The following CDKL5 variants were observed in gnomAD, a reference collection of about 807,000 sequenced individuals.
CDKL5 encodes the protein cyclin-dependent kinase-like 5.
CDKL5 carries 8 observed loss-of-function variants against 61.7 expected under a neutral mutation model. The observed-to-expected ratio is 0.13, with a 90% CI of 0.08 to 0.23. The LOEUF (loss-of-function observed/expected upper bound fraction) is 0.23, where lower values mean the gene tolerates loss of function less well. Ranked by LOEUF, CDKL5 falls within the 10% of genes least tolerant of loss-of-function variation. CDKL5 has a pLI of 1.00. For synonymous variants in CDKL5, 275 were observed against 272.3 expected (o/e 1.01, Z -0.10); for missense variants, 440 against 734.5 (o/e 0.60, Z 4.63).
downstream of CDKL5, chrX:18,644,374 G>A (rs753408808): frequency 1.4e-5 from 15 of 1,092,543 alleles, no homozygotes; most frequent in East Asian, 4.2e-4. Flanking sequence ...TCGGGGACAG[G>A]AGGGGAAGTC....
chrX:18,492,745 T>A (rs1332752292), intron 1 of CDKL5, among the ~76,000 whole-genome samples: 1 of 112,085 alleles, frequency 8.9e-6, no homozygotes, highest in Non-Finnish European at 1.9e-5. Context: ...TTCACCTGGG[T>A]GGCTGCCATG....
chrX:18,431,482 C>T (rs1232280074), intron 1 of CDKL5, among the ~76,000 whole-genome samples: 2 of 101,375 alleles, frequency 2.0e-5, no homozygotes, highest in African/African-American at 7.3e-5. Context: ...AGTGCAGTGG[C>T]GCGGTCTCGG....
intron 1 of CDKL5, among the ~76,000 whole-genome samples, chrX:18,444,917 T>A (rs186181270): frequency 9.0e-6 from 1 of 111,252 alleles, no homozygotes; most frequent in African/African-American, 3.3e-5. Context: ...TCTTTTGGTC[T>A]AGTTTTGCAT....
intron 11 of CDKL5, among the ~76,000 whole-genome samples, chrX:18,602,131 C>A (rs1289996942): frequency 9.0e-6 from 1 of 111,709 alleles, no homozygotes; most frequent in South Asian, 3.7e-4. Context: ...CACTGCTAAG[C>A]CCAACCAGAA....
At chrX:18,544,436 A>G (rs1315875921) in intron 3 of CDKL5, among the ~76,000 whole-genome samples, 3 of 112,143 alleles carry the variant, frequency 2.7e-5, no homozygotes, top group African/African-American at 9.7e-5. Context: ...TAAGCATTTT[A>G]CTTGTATCTT....
rs1925277582 is a variant in CDKL5, at chrX:18,575,737, C to G, written c.282+247C>G. ...AATATACTGATTTGGCTTCTGAAGT[C>G]TTAAACTCTATGTTCAACAAGTAAT... On this transcript the variant is annotated intron_variant, in intron 5 of 17. Coordinates refer to ENST00000623535, the MANE Select transcript of CDKL5 (RefSeq NM_001323289.2). 2.7e-5 allele frequency among the ~76,000 whole-genome samples: 3 copies of G among 112,236 alleles called. No homozygotes were observed. In the South Asian group the frequency reaches 1.1e-3, roughly 42 times the overall value.
chrX:18,473,029 C>T (rs1921158104), intron 1 of CDKL5, among the ~76,000 whole-genome samples: 1 of 104,529 alleles, frequency 9.6e-6, no homozygotes, highest in Non-Finnish European at 2.0e-5. Context: ...GATCTCGGCT[C>T]ACTGCAACCT....
At chrX:18,613,347 T>C in intron 15 of CDKL5, 72 bp downstream of exon 15, 1 of 1,035,496 alleles carries the variant, frequency 9.7e-7, no homozygotes. Flanking sequence ...AAATTCTGGA[T>C]GAGCTTTTTA....
At chrX:18,479,529 C>A (rs1471596035) in intron 1 of CDKL5, among the ~76,000 whole-genome samples, 1 of 109,142 alleles carries the variant, frequency 9.2e-6, no homozygotes, top group East Asian at 2.9e-4. Flanking sequence ...CTGTGTTAGC[C>A]AGGATGGTCT....
chrX:18,560,948 A>G (rs1370779048), intron 3 of CDKL5, among the ~76,000 whole-genome samples: 1 of 112,135 alleles, frequency 8.9e-6, no homozygotes, highest in Non-Finnish European at 1.9e-5. Flanking sequence ...CAAATACCAG[A>G]GACTGTCAGG....
At chrX:18,452,763 G>A (rs937405740) in intron 1 of CDKL5, among the ~76,000 whole-genome samples, 1 of 101,809 alleles carries the variant, frequency 9.8e-6, no homozygotes, top group Non-Finnish European at 2.0e-5. Context: ...ATGATTTAAT[G>A]TCATTGCATG....
At chrX:18,641,724 A>G, downstream of CDKL5, 1 of 357,284 alleles carries the variant, frequency 2.8e-6, no homozygotes, top group Non-Finnish European at 4.9e-6. Flanking sequence ...AAAAATGAGC[A>G]GAAAATTACC....
Position 18,536,432 on chromosome X carries a change from G to GT in CDKL5, c.99+25610dup, listed in dbSNP as rs746308567. On this transcript the variant is annotated intron_variant, in intron 3 of 17. Transcript: ENST00000623535. ...AGAGAGTATTATTTATTCAATACAGGTTTTTTTTTTTTTTTTTTTTTTTTT... is the reference window on the plus strand; with the variant it reads ...AGAGAGTATTATTTATTCAATACAGGTTTTTTTTTTTTTTTTTTTTTTTTTT... 6.6e-3 allele frequency among the ~76,000 whole-genome samples: 269 copies of GT among 40,551 alleles called. 37 individuals carry two copies. The highest frequency in any genetic ancestry group is 0.016 in the African/African-American group (152 of 9,583). 35.2% of individuals were successfully genotyped at this position (40,551 alleles called of 115,157 possible).
At chrX:18,505,734 C>T (rs977281252) in intron 1 of CDKL5, among the ~76,000 whole-genome samples, 7 of 112,239 alleles carry the variant, frequency 6.2e-5, no homozygotes, top group East Asian at 2.8e-4. Context: ...TTATTGATGA[C>T]GTTAACTTGA....
intron 1 of CDKL5, among the ~76,000 whole-genome samples, chrX:18,466,667 C>T (rs756915656): frequency 2.2e-4 from 24 of 111,179 alleles, no homozygotes; most frequent in African/African-American, 5.2e-4. Context: ...CCCGCCACCA[C>T]GCCCAGATAA....
chrX:18,611,936 GGTCAAGA>G (rs1795148377), intron 14 of CDKL5, among the ~76,000 whole-genome samples: 1 of 111,427 alleles, frequency 9.0e-6, no homozygotes, highest in African/African-American at 3.3e-5. Context: ...CATTCCTATT[GGTCAAGA>G]GTCAAGTGAA....
intron 20 of CDKL5, chrX:18,650,139 T>C: frequency 2.5e-6 from 1 of 404,770 alleles, no homozygotes; most frequent in African/African-American, 2.5e-5. Flanking sequence ...CCCAAATAGC[T>C]CATCTAACAC....
Position 18,575,340 on chromosome X carries a change from T to G in CDKL5, c.146-14T>G, listed in dbSNP as rs1925260633. ...GTTTTCATTTTAGTCTCTTCACCAT[T>G]GTTTACATTCTAGAAAATGAAGAAG... On this transcript the variant is annotated splice_polypyrimidine_tract_variant and intron_variant, in intron 4 of 17. Transcript: ENST00000623535. 3 of 1,203,728 alleles carry G rather than the reference T, an allele frequency of 2.5e-6. No homozygotes were observed. Among genetic ancestry groups the G allele is most frequent in the Non-Finnish European group, 3.4e-6 (3 of 888,511 alleles).
At chrX:18,456,978 C>T (rs1191308708) in intron 1 of CDKL5, among the ~76,000 whole-genome samples, 1 of 110,496 alleles carries the variant, frequency 9.1e-6, no homozygotes, top group Non-Finnish European at 1.9e-5. Context: ...GAGCATTTAT[C>T]GTTTCTTTGC....
Sources: gnomAD v4.1 joint callset for allele counts (sites outside exome capture counted in the v4.1 genomes callset) on GRCh38, gnomAD v4.1.1 for gene constraint, MANE v1.5 for transcripts, NCBI Gene and HGNC (gene_info 2026-07-23, HGNC 2026-07-21) for gene names.